The following IQCJ variants were observed in gnomAD, a reference collection of about 807,000 sequenced individuals.
IQCJ encodes the protein IQ domain-containing protein J.
Under a neutral mutation model 11.0 loss-of-function variants are expected in IQCJ, and 9 were observed. The observed-to-expected ratio is 0.82, with a 90% CI of 0.49 to 1.43. IQCJ has a LOEUF of 1.43. Among genes scored for constraint, IQCJ ranks in the 40% most tolerant of loss-of-function variants. The pLI, the probability that IQCJ is intolerant of heterozygous loss-of-function variation, is 0.00. For missense variants in IQCJ, 146 were observed against 133.2 expected (o/e 1.10, Z -0.47); for synonymous variants, 55 against 51.3 (o/e 1.07, Z -0.31).
At chr3:159,162,943 C>T (rs1248503474) in intron 1 of IQCJ, among the ~76,000 whole-genome samples, 1 of 152,262 alleles carries the variant, frequency 6.6e-6, no homozygotes, top group Non-Finnish European at 1.5e-5. Flanking sequence ...AGCTTACCAA[C>T]TAAAAAGAGT....
intron 3 of IQCJ, among the ~76,000 whole-genome samples, chr3:159,254,832 C>A (rs918228617): frequency 9.2e-5 from 14 of 152,300 alleles, no homozygotes; most frequent in Non-Finnish European, 1.5e-4. Flanking sequence ...TCACTCTCAG[C>A]AGTTGTTTCC....
chr3:159,214,125 A>G (rs913189726), intron 1 of IQCJ, among the ~76,000 whole-genome samples: 1 of 152,154 alleles, frequency 6.6e-6, no homozygotes, highest in South Asian at 2.1e-4. Context: ...TTTGCTGGAC[A>G]TGTCCATCTA....
intron 1 of IQCJ, among the ~76,000 whole-genome samples, chr3:159,078,398 T>A (rs1716084880): frequency 6.6e-6 from 1 of 152,090 alleles, no homozygotes; most frequent in African/African-American, 2.4e-5. Flanking sequence ...CACATTGTCT[T>A]ATTTGATACT....
chr3:159,118,199 G>C (rs1043897609), intron 1 of IQCJ, among the ~76,000 whole-genome samples: 5 of 152,168 alleles, frequency 3.3e-5, no homozygotes, highest in African/African-American at 1.2e-4. Flanking sequence ...TAGCTTAAAA[G>C]AGAGAAATGG....
chr3:159,105,350 C>T (rs1718188015), intron 1 of IQCJ, among the ~76,000 whole-genome samples: 1 of 152,158 alleles, frequency 6.6e-6, no homozygotes, highest in Admixed American at 6.5e-5. Context: ...TCTACCATTG[C>T]TTTGTCCACC....
chr3:159,194,403 A>G (rs1424570458), intron 1 of IQCJ, among the ~76,000 whole-genome samples: 3 of 152,164 alleles, frequency 2.0e-5, no homozygotes. Context: ...GCCATTTGCT[A>G]TGATAATTGT....
chr3:159,104,416 T>C (rs1718120043), intron 1 of IQCJ, among the ~76,000 whole-genome samples: 1 of 152,260 alleles, frequency 6.6e-6, no homozygotes, highest in South Asian at 2.1e-4. Flanking sequence ...TGATTCTTTA[T>C]AAAATACATA....
chr3:159,213,181 T>C (rs1032423333), intron 1 of IQCJ, among the ~76,000 whole-genome samples: 4 of 152,184 alleles, frequency 2.6e-5, no homozygotes, highest in Non-Finnish European at 5.9e-5. Context: ...CAGCCCATAA[T>C]TTGTGGACAG....
chr3:159,218,341 TTGTGTGTGTG>T (rs34078356), intron 1 of IQCJ, among the ~76,000 whole-genome samples: 3 of 145,910 alleles, frequency 2.1e-5, no homozygotes, highest in Non-Finnish European at 4.6e-5. Flanking sequence ...GAGTCCCTCT[TTGTGTGTGTG>T]TGTGTGTGTG....
intron 1 of IQCJ, among the ~76,000 whole-genome samples, chr3:159,088,632 G>A (rs1412510521): frequency 6.6e-6 from 1 of 152,180 alleles, no homozygotes; most frequent in Non-Finnish European, 1.5e-5. Context: ...ATGCAGGATA[G>A]TTAGCTCTTC....
At chr3:159,146,320 TAA>T (rs372962323) in intron 1 of IQCJ, among the ~76,000 whole-genome samples, 1 of 150,400 alleles carries the variant, frequency 6.6e-6, no homozygotes, top group Non-Finnish European at 1.5e-5. Flanking sequence ...TAAATCCAAG[TAA>T]AAAAAAAGGA....
At position 159,223,294 on chromosome 3, in the gene IQCJ, GAATAT is replaced by G. The variant is rs1199593949; in HGVS notation, c.10-22544_10-22540del. 3.3e-5 allele frequency among the ~76,000 whole-genome samples: 5 copies of G among 152,166 alleles called. No individual in the cohort carries two copies. In the South Asian group the frequency reaches 1.0e-3, roughly 32 times the overall value. On this transcript the variant is annotated intron_variant, in intron 1 of 3. Transcript: ENST00000397832. ...GATGAAATAAGTGTCAAAAAGGAAA[GAATAT>G]AATAGGTAGCGGCCATATGCAATTA... is the stretch of plus-strand genomic sequence containing the variant.
chr3:159,216,301 A>G (rs1725231288), intron 1 of IQCJ, among the ~76,000 whole-genome samples: 1 of 152,136 alleles, frequency 6.6e-6, no homozygotes, highest in African/African-American at 2.4e-5. Flanking sequence ...TTTTTAAAGC[A>G]TATTTGCTGA....
At chr3:159,161,740 T>G (rs956969271) in intron 1 of IQCJ, among the ~76,000 whole-genome samples, 2 of 152,246 alleles carry the variant, frequency 1.3e-5, no homozygotes, top group African/African-American at 2.4e-5. Flanking sequence ...GTTTCAGCTT[T>G]CTACCTATGG....
At chr3:159,256,832 A>T (rs888455566) in intron 3 of IQCJ, among the ~76,000 whole-genome samples, 3 of 152,198 alleles carry the variant, frequency 2.0e-5, no homozygotes, top group African/African-American at 7.2e-5. Context: ...AAAATGTTTG[A>T]TATGTCCTTT....
intron 2 of IQCJ, among the ~76,000 whole-genome samples, chr3:159,248,146 G>A (rs1365774108): frequency 1.3e-5 from 2 of 152,146 alleles, no homozygotes; most frequent in Non-Finnish European, 2.9e-5. Flanking sequence ...TTAAAAATGA[G>A]AATAGTAGTC....
chr3:159,149,880 C>T (rs372592832), intron 1 of IQCJ, among the ~76,000 whole-genome samples: 2 of 152,140 alleles, frequency 1.3e-5, no homozygotes, highest in African/African-American at 2.4e-5. Flanking sequence ...CTCCATCTCT[C>T]CCCTGACTCA....
chr3:159,073,605 T>C (rs1042508966), intron 1 of IQCJ, among the ~76,000 whole-genome samples: 1 of 152,116 alleles, frequency 6.6e-6, no homozygotes, highest in African/African-American at 2.4e-5. Flanking sequence ...TTCAGTCTTA[T>C]CTCTCAGGAA....
chr3:159,170,729 CTT>C (rs943708715), intron 1 of IQCJ, among the ~76,000 whole-genome samples: 1 of 151,366 alleles, frequency 6.6e-6, no homozygotes, highest in African/African-American at 2.4e-5. Flanking sequence ...TATGGCCAGT[CTT>C]TGCCACGGGC....
Sources: gnomAD v4.1 joint callset for allele counts (sites outside exome capture counted in the v4.1 genomes callset) on GRCh38, gnomAD v4.1.1 for gene constraint, MANE v1.5 for transcripts, NCBI Gene and HGNC (gene_info 2026-07-23, HGNC 2026-07-21) for gene names.